UTRN: variants seen among roughly 807,000 people sequenced by gnomAD.
UTRN encodes the protein dystrophin-related protein 1.
Under a neutral mutation model 463.9 loss-of-function variants are expected in UTRN, and 283 were observed. That is an observed-to-expected ratio of 0.61 (90% CI 0.55 to 0.67). The LOEUF is 0.67. UTRN is among the 30% of genes least tolerant of loss of function. The pLI is 0.00. For missense variants in UTRN, 3,922 were observed against 4,084.3 expected, an observed-to-expected ratio of 0.96 and a Z score of 1.08; for synonymous variants, 1,442 against 1,431.5, an observed-to-expected ratio of 1.01 and a Z score of -0.17.
chr6:144,448,631 C>G lies in UTRN; in HGVS notation c.1934C>G (p.Ser645Cys). 6.2e-7 allele frequency: 1 copy of G among 1,613,880 alleles called. No individual in the cohort carries two copies. ...VTQAVAKLGM[S>C]QIPQKDLLET... Reference sequence around the variant, plus strand: ...CAGGCTGTAGCAAAGCTGGGGATGTCTCAGATTCCTCAGAAGGACCTTTTG... The same window carrying G: ...CAGGCTGTAGCAAAGCTGGGGATGTGTCAGATTCCTCAGAAGGACCTTTTG... Residue 645 changes from serine (S) to cysteine (C), a missense_variant, in exon 17 of 75, where the codon TCT becomes TGT. Physicochemically the swap from Ser to Cys is moderately radical, Grantham distance 112. This residue lies in a region of UTRN where 2,349 missense variants were observed against 2,303.8 expected (regional missense o/e 1.02). Coordinates refer to ENST00000367545, the MANE Select transcript of UTRN (RefSeq NM_007124.3).
intron 2 of UTRN, among the ~76,000 whole-genome samples, chr6:144,303,114 G>A (rs1396252138): frequency 1.3e-5 from 2 of 152,188 alleles, no homozygotes; most frequent in African/African-American, 4.8e-5. Flanking sequence ...TTAGGGGGAG[G>A]CAGGGAACAG....
chr6:144,708,485 G>A (rs915900064), intron 53 of UTRN: 4 of 522,868 alleles, frequency 7.7e-6, no homozygotes, highest in Non-Finnish European at 1.4e-5. Flanking sequence ...TCCCCTCTGA[G>A]TTCTTCTAGG....
intron 33 of UTRN, among the ~76,000 whole-genome samples, chr6:144,496,667 G>GA (rs1472657293): frequency 1.3e-5 from 2 of 152,158 alleles, no homozygotes; most frequent in African/African-American, 4.8e-5. Context: ...TTGTCTAATG[G>GA]AACTTAGGGT....
At chr6:144,355,599 A>G (rs1047468218) in intron 2 of UTRN, among the ~76,000 whole-genome samples, 25 of 152,156 alleles carry the variant, frequency 1.6e-4, no homozygotes, top group Non-Finnish European at 3.4e-4. Context: ...AAGAAAATAA[A>G]CTGTATCTTT....
intron 60 of UTRN, among the ~76,000 whole-genome samples, chr6:144,781,545 G>A (rs181764192): frequency 7.5e-4 from 114 of 152,286 alleles, no homozygotes; most frequent in African/African-American, 2.6e-3. Context: ...GATGAGGAGA[G>A]CAGTGTAATA....
intron 53 of UTRN, among the ~76,000 whole-genome samples, chr6:144,713,702 C>T (rs1416541783): frequency 6.6e-6 from 1 of 151,862 alleles, no homozygotes; most frequent in African/African-American, 2.4e-5. Context: ...GGGTGGATCA[C>T]CTGAGGTCAG....
intron 53 of UTRN, among the ~76,000 whole-genome samples, chr6:144,718,624 G>A (rs183531612): frequency 3.9e-5 from 6 of 152,336 alleles, no homozygotes; most frequent in Admixed American, 3.9e-4. Context: ...ATGAGTAAGG[G>A]TGTGCCTGTG....
At chr6:144,842,888 A>G (rs912560924) in intron 73 of UTRN, among the ~76,000 whole-genome samples, 3 of 152,052 alleles carry the variant, frequency 2.0e-5, no homozygotes, top group Admixed American at 6.6e-5. Flanking sequence ...GAGTCTCACA[A>G]AAGCTTAAGA....
intron 2 of UTRN, among the ~76,000 whole-genome samples, chr6:144,395,852 CT>C (rs1212122947): frequency 6.6e-6 from 1 of 151,898 alleles, no homozygotes; most frequent in Admixed American, 6.6e-5. Context: ...ACTAGGATGG[CT>C]ATACATTTTT....
At position 144,590,569 on chromosome 6, in the gene UTRN, A is replaced by T. The variant is rs952733442; in HGVS notation, c.7479+13281A>T. On this transcript the variant is annotated intron_variant, in intron 51 of 74. Coordinates refer to ENST00000367545, the MANE Select transcript of UTRN (RefSeq NM_007124.3). ...TTTTAAAAAATTTAATTCAAAGAAC[A>T]TGTATTGAATGGCTGTCATGCATCA... Among the ~76,000 whole-genome samples the T allele has an allele frequency of 2.0e-5, 3 of 152,204 alleles. No individual in the cohort carries two copies. In the South Asian group the frequency reaches 6.2e-4, roughly 31 times the overall value.
intron 64 of UTRN, chr6:144,799,325 G>A (rs754575421): frequency 2.5e-6 from 1 of 401,660 alleles, no homozygotes; most frequent in Non-Finnish European, 5.2e-6. Flanking sequence ...AGTATTGTGA[G>A]GTCAGAGGGC....
At chr6:144,743,180 A>G (rs1015429100) in intron 54 of UTRN, among the ~76,000 whole-genome samples, 1 of 152,228 alleles carries the variant, frequency 6.6e-6, no homozygotes, top group East Asian at 1.9e-4. Context: ...ACTGGCTACT[A>G]TAAAATCAAT....
At chr6:144,621,841 T>C (rs994525990) in intron 51 of UTRN, among the ~76,000 whole-genome samples, 1 of 152,168 alleles carries the variant, frequency 6.6e-6, no homozygotes, top group Admixed American at 6.6e-5. Context: ...ATGGAAAAGA[T>C]GTTTATTCTT....
chr6:144,337,085 C>T (rs2114619684), intron 2 of UTRN, among the ~76,000 whole-genome samples: 1 of 152,162 alleles, frequency 6.6e-6, no homozygotes, highest in East Asian at 1.9e-4. Context: ...AGAAGCAACA[C>T]TGCCAGTGAG....
intron 2 of UTRN, among the ~76,000 whole-genome samples, chr6:144,328,227 G>T (rs1776101081): frequency 6.6e-6 from 1 of 151,446 alleles, no homozygotes; most frequent in African/African-American, 2.4e-5. Context: ...AAACAAACAT[G>T]TTTATTAAGA....
intron 51 of UTRN, among the ~76,000 whole-genome samples, chr6:144,673,930 TG>T (rs1781318628): frequency 6.6e-6 from 1 of 152,178 alleles, no homozygotes; most frequent in African/African-American, 2.4e-5. Context: ...GCAAAATTCT[TG>T]GCTGATAGTT....
rs1316944203 is a variant in UTRN at position 144,488,846 on chromosome 6, C to CA, written c.4134+13dup. 2.5e-6 allele frequency: 4 copies of CA among 1,576,518 alleles called. No homozygotes were observed. In the East Asian group the frequency reaches 9.2e-5, roughly 36 times the overall value. On this transcript the variant is annotated intron_variant, in intron 30 of 74. Transcript: ENST00000367545. Reference sequence around the variant, plus strand: ...CACAGGAAGCTCAGGTATTGCCGTGCATTTGAGGGCTTTTGAGCTGTAAAG... The same window carrying CA: ...CACAGGAAGCTCAGGTATTGCCGTGCAATTTGAGGGCTTTTGAGCTGTAAAG...
intron 54 of UTRN, among the ~76,000 whole-genome samples, chr6:144,732,672 T>C (rs995996192): frequency 1.4e-5 from 2 of 147,466 alleles, no homozygotes; most frequent in Non-Finnish European, 3.0e-5. Flanking sequence ...TGTTATGTTA[T>C]GTTATGTTAT....
intron 19 of UTRN, among the ~76,000 whole-genome samples, chr6:144,454,265 G>T (rs1348317135): frequency 2.0e-5 from 3 of 151,984 alleles, no homozygotes; most frequent in East Asian, 1.9e-4. Flanking sequence ...TTCATTAAGG[G>T]TATTTGATTT....
Sources: gnomAD v4.1 joint callset for allele counts (sites outside exome capture counted in the v4.1 genomes callset) on GRCh38, gnomAD v4.1.1 for gene constraint, gnomAD v4.1.1 regional missense constraint, MANE v1.5 for transcripts, NCBI Gene and HGNC (gene_info 2026-07-23, HGNC 2026-07-21) for gene names.